The following KPNA7 variants were observed in gnomAD, a reference collection of about 807,000 sequenced individuals.
The protein encoded by KPNA7 is importin subunit alpha-8.
A neutral mutation model predicts 53.7 loss-of-function variants in KPNA7; 54 were observed. The ratio of observed to expected loss-of-function variants is 1.01; its 90% CI spans 0.81 to 1.26. KPNA7 has a LOEUF of 1.26. Ranked by LOEUF, KPNA7 falls within the 50% of genes most tolerant of loss-of-function variation. KPNA7 has a pLI of 0.00. For missense variants in KPNA7, 640 were observed against 644.5 expected (o/e 0.99, Z 0.07); for synonymous variants, 276 against 259.3 (o/e 1.06, Z -0.62).
In KPNA7 at chr7:99,180,999, C is replaced by CTGTCTCTCTCTCTG. The variant is rs1554462131; in HGVS notation, c.1317+883_1317+884insCAGAGAGAGAGACA. Reference sequence around the variant, plus strand: ...CCCGTCTGTGTCTCTCTCTCCCCGTCTGTCTCTCTCTCTCTGTGTGTGTGT... The same window carrying CTGTCTCTCTCTCTG: ...CCCGTCTGTGTCTCTCTCTCCCCGTCTGTCTCTCTCTCTGTGTCTCTCTCTCTCTGTGTGTGTGT... On this transcript the variant is annotated intron_variant, in intron 9 of 10. Transcript: ENST00000327442. Among the ~76,000 whole-genome samples, 4 of 59,532 alleles carry CTGTCTCTCTCTCTG rather than the reference C, an allele frequency of 6.7e-5. 2 individuals are homozygous for CTGTCTCTCTCTCTG. The highest frequency in any genetic ancestry group is 7.7e-5 in the Non-Finnish European group (2 of 26,122). The allele number at this position is 59,532 out of a possible 152,430, so 39.1% of individuals were successfully genotyped here.
chr7:99,146,206 A>G, the KPNA7 span, among the ~76,000 whole-genome samples: 1 of 152,090 alleles, frequency 6.6e-6, no homozygotes, highest in African/African-American at 2.4e-5. Flanking sequence ...CCTGACCTGG[A>G]AACCTTTCAT....
chr7:99,194,624 G>T (rs1033625292), intron 5 of KPNA7, among the ~76,000 whole-genome samples: 3 of 152,130 alleles, frequency 2.0e-5, no homozygotes, highest in African/African-American at 7.2e-5. Context: ...GGTGTTTTGA[G>T]ACAGAATCTC....
the KPNA7 span, among the ~76,000 whole-genome samples, chr7:99,150,081 G>A: frequency 1.3e-5 from 2 of 151,664 alleles, no homozygotes; most frequent in African/African-American, 2.4e-5. Flanking sequence ...TTACAGGCAT[G>A]AGCCACCGCA....
At chr7:99,158,160 C>A in the KPNA7 span, among the ~76,000 whole-genome samples, 109 of 152,302 alleles carry the variant, frequency 7.2e-4, no homozygotes, top group African/African-American at 2.5e-3. Flanking sequence ...GCTGGGATTA[C>A]AGGAATGAGC....
At chr7:99,155,496 ACAT>A in the KPNA7 span, among the ~76,000 whole-genome samples, 1 of 151,884 alleles carries the variant, frequency 6.6e-6, no homozygotes, top group Non-Finnish European at 1.5e-5. Flanking sequence ...GTTTTCTTAC[ACAT>A]TTTTTTTTCT....
At chr7:99,218,820 G>A (rs921847895) in intron 1 of KPNA7, among the ~76,000 whole-genome samples, 8 of 152,214 alleles carry the variant, frequency 5.3e-5, no homozygotes, top group African/African-American at 1.9e-4. Flanking sequence ...CCAAACAGCT[G>A]CCTGGCTCAT....
upstream of KPNA7, among the ~76,000 whole-genome samples, chr7:99,209,762 A>G (rs1183732099): frequency 6.6e-6 from 1 of 150,648 alleles, no homozygotes; most frequent in Non-Finnish European, 1.5e-5. Flanking sequence ...AATCTCAACA[A>G]CTTGAGAGGT....
the KPNA7 span, among the ~76,000 whole-genome samples, chr7:99,157,448 A>G: frequency 6.6e-6 from 1 of 152,176 alleles, no homozygotes; most frequent in Non-Finnish European, 1.5e-5. Context: ...ACCTCAGGTG[A>G]TCCACCTGCC....
At chr7:99,182,839 C>A (rs1277121951) in intron 8 of KPNA7, among the ~76,000 whole-genome samples, 2 of 152,066 alleles carry the variant, frequency 1.3e-5, no homozygotes, top group African/African-American at 4.8e-5. Context: ...ATGACAGTGG[C>A]CTATGTCTGC....
At chr7:99,152,759 A>C in the KPNA7 span, among the ~76,000 whole-genome samples, 3 of 152,166 alleles carry the variant, frequency 2.0e-5, no homozygotes, top group Non-Finnish European at 4.4e-5. Context: ...GTTGTCAATT[A>C]GAGGTATAAT....
downstream of KPNA7, among the ~76,000 whole-genome samples, chr7:99,170,308 A>C (rs577913589): frequency 3.3e-5 from 5 of 152,178 alleles, no homozygotes; most frequent in South Asian, 2.1e-4. Context: ...ATGAAGAAGG[A>C]GGCTTGAAAA....
At chr7:99,154,018 T>C in the KPNA7 span, among the ~76,000 whole-genome samples, 1 of 151,760 alleles carries the variant, frequency 6.6e-6, no homozygotes, top group South Asian at 2.1e-4. Flanking sequence ...CCCCTCCCCC[T>C]CCCAAAAAAC....
At chr7:99,217,297 ATG>A (rs943625796) in intron 1 of KPNA7, among the ~76,000 whole-genome samples, 3 of 152,168 alleles carry the variant, frequency 2.0e-5, no homozygotes, top group African/African-American at 7.2e-5. Flanking sequence ...ATTTTGTGAC[ATG>A]TGTTTCTTTC....
chr7:99,209,682 CAAAAAAAAAAAAAAA>C (rs60377276), upstream of KPNA7, among the ~76,000 whole-genome samples: 6,332 of 73,942 alleles, frequency 0.086, 273 homozygotes, highest in Middle Eastern at 0.21. Flanking sequence ...GACTCCAACT[CAAAAAAAAAAAAAAA>C]AAAAAAAAAA....
chr7:99,187,271 CAG>C (rs1180052204), intron 7 of KPNA7, among the ~76,000 whole-genome samples: 2 of 152,110 alleles, frequency 1.3e-5, no homozygotes, highest in Non-Finnish European at 2.9e-5. Flanking sequence ...GCCTGGATGA[CAG>C]AGAGACTCCG....
intron 5 of KPNA7, among the ~76,000 whole-genome samples, chr7:99,193,623 T>C (rs1040698611): frequency 5.9e-5 from 9 of 152,056 alleles, no homozygotes; most frequent in African/African-American, 2.2e-4. Context: ...CCAAGCAAAA[T>C]GAGAGACAAC....
Position 99,197,410 on chromosome 7 carries a change from G to T in KPNA7, c.202-1244C>A, listed in dbSNP as rs530013000. Among the ~76,000 whole-genome samples, 148 of 152,280 alleles carry T rather than the reference G, an allele frequency of 9.7e-4. 1 individual carries two copies. Among genetic ancestry groups the T allele is most frequent in the Non-Finnish European group, 1.8e-3 (123 of 68,022 alleles). On this transcript the variant is annotated intron_variant, in intron 3 of 10. Transcript: ENST00000327442. Reference sequence around the variant, plus strand: ...CTAGAGTTGTCACACTATTTTAAATGACTAGTTTTCAACAAAGATTGTGAG... The same window carrying T: ...CTAGAGTTGTCACACTATTTTAAATTACTAGTTTTCAACAAAGATTGTGAG...
At chr7:99,213,819 C>A (rs144663193) in intron 1 of KPNA7, among the ~76,000 whole-genome samples, 1 of 152,056 alleles carries the variant, frequency 6.6e-6, no homozygotes, top group African/African-American at 2.4e-5. Flanking sequence ...GTGTTGCCCA[C>A]GCTGTTCTTG....
At chr7:99,160,522 C>G in the KPNA7 span, among the ~76,000 whole-genome samples, 1 of 151,914 alleles carries the variant, frequency 6.6e-6, no homozygotes, top group South Asian at 2.1e-4. Flanking sequence ...AACTCCTAGG[C>G]TCAAGCAATC....
Sources: allele counts gnomAD v4.1 joint callset (sites outside exome capture counted in the v4.1 genomes callset), GRCh38; gene constraint gnomAD v4.1.1; transcripts MANE v1.5; gene names NCBI Gene and HGNC (gene_info 2026-07-23, HGNC 2026-07-21).